The following DPYD variants were observed in gnomAD, a reference collection of about 807,000 sequenced individuals.
DPYD encodes dihydropyrimidine dehydrogenase [NADP(+)].
A neutral mutation model predicts 116.2 loss-of-function variants in DPYD; 109 were observed. The observed-to-expected ratio is 0.94, with a 90% CI of 0.80 to 1.10. The LOEUF (loss-of-function observed/expected upper bound fraction) is 1.10. DPYD is among the 50% of genes least tolerant of loss of function. DPYD has a pLI of 0.00. For synonymous variants in DPYD, 440 were observed against 432.0 expected, an observed-to-expected ratio of 1.02 and a Z score of -0.23; for missense variants, 1,302 against 1,254.5, an observed-to-expected ratio of 1.04 and a Z score of -0.57.
chr1:97,122,757 TACTC>T (rs1472971258), intron 20 of DPYD, among the ~76,000 whole-genome samples: 1 of 152,180 alleles, frequency 6.6e-6, no homozygotes, highest in Admixed American at 6.6e-5. Context: ...TTATATCACT[TACTC>T]TATCCCTTCA....
At chr1:97,649,915 C>T (rs1389204257) in intron 8 of DPYD, among the ~76,000 whole-genome samples, 1 of 152,102 alleles carries the variant, frequency 6.6e-6, no homozygotes, top group African/African-American at 2.4e-5. Flanking sequence ...TTCTTATTAA[C>T]AGCCCCCCTT....
At chr1:97,517,945 G>A (rs1033939358) in intron 12 of DPYD, among the ~76,000 whole-genome samples, 1 of 151,986 alleles carries the variant, frequency 6.6e-6, no homozygotes, top group Non-Finnish European at 1.5e-5. Flanking sequence ...ATTTTGGTTT[G>A]TTCATAATTG....
intron 5 of DPYD, among the ~76,000 whole-genome samples, chr1:97,717,155 GTAGCACAA>G (rs1013237824): frequency 3.9e-5 from 6 of 152,042 alleles, no homozygotes; most frequent in Admixed American, 3.9e-4. Flanking sequence ...CTACTGTTCA[GTAGCACAA>G]TAGTGTAACT....
chr1:97,765,356 G>A (rs960665049), intron 3 of DPYD, among the ~76,000 whole-genome samples: 2 of 152,134 alleles, frequency 1.3e-5, no homozygotes, highest in Non-Finnish European at 2.9e-5. Flanking sequence ...AGGCTATATA[G>A]AGAGGCTACT....
chr1:97,280,537 G>A (rs12048063), intron 18 of DPYD, among the ~76,000 whole-genome samples: 8,407 of 152,144 alleles, frequency 0.055, 275 homozygotes, highest in Admixed American at 0.093. Context: ...TGGTATGTAC[G>A]CAATGGAATA....
intron 5 of DPYD, among the ~76,000 whole-genome samples, chr1:97,706,844 G>GT (rs1441642310): frequency 6.6e-6 from 1 of 152,008 alleles, no homozygotes; most frequent in Non-Finnish European, 1.5e-5. Flanking sequence ...GCATGTTAAC[G>GT]TAAGTTTTCA....
At chr1:97,503,288 T>C (rs1256258812) in intron 13 of DPYD, among the ~76,000 whole-genome samples, 2 of 152,028 alleles carry the variant, frequency 1.3e-5, no homozygotes, top group African/African-American at 2.4e-5. Context: ...AAAAGCCATA[T>C]ACTAAGTGGC....
At chr1:97,626,751 G>A (rs952365824) in intron 8 of DPYD, among the ~76,000 whole-genome samples, 1 of 152,052 alleles carries the variant, frequency 6.6e-6, no homozygotes, top group African/African-American at 2.4e-5. Flanking sequence ...AAAGAGAATG[G>A]AGGGGAACTT....
At chr1:97,881,735 C>T (rs1431078219) in intron 2 of DPYD, among the ~76,000 whole-genome samples, 1 of 151,796 alleles carries the variant, frequency 6.6e-6, no homozygotes, top group Non-Finnish European at 1.5e-5. Context: ...AAATGCGAGA[C>T]ATTAGGGAAG....
intron 19 of DPYD, among the ~76,000 whole-genome samples, chr1:97,224,882 C>A (rs1029389633): frequency 5.3e-5 from 8 of 152,066 alleles, no homozygotes; most frequent in Admixed American, 2.0e-4. Context: ...CGTATATATG[C>A]TGCAATTTCT....
chr1:97,314,825 C>A (rs1667720697), intron 16 of DPYD, among the ~76,000 whole-genome samples: 1 of 151,938 alleles, frequency 6.6e-6, no homozygotes, highest in African/African-American at 2.4e-5. Context: ...TTGAGAGGTA[C>A]CTGCCCAAAT....
rs1347089452 is a variant in DPYD, at chr1:97,158,926, T to A, written c.2622+34143A>T. Among the ~76,000 whole-genome samples, 4 of 152,096 alleles carry A rather than the reference T, an allele frequency of 2.6e-5. No individual in the cohort carries two copies. The East Asian group carries it at 5.8e-4, about 22-fold the overall frequency. On this transcript the variant is annotated intron_variant, in intron 20 of 22. Transcript: ENST00000370192. ...AAGGGGCAGAGTTTTGGGGTTTGCA[T>A]TAAGATAAGTTAATTGTCTGCTAAA...
At chr1:97,752,607 T>C (rs182355787) in intron 3 of DPYD, among the ~76,000 whole-genome samples, 128 of 152,302 alleles carry the variant, frequency 8.4e-4, no homozygotes, top group Non-Finnish European at 1.4e-3. Context: ...ACTCTGCTCA[T>C]AGTTCCATGT....
Position 97,657,769 on chromosome 1 carries a change from G to T in DPYD, c.850+21326C>A, listed in dbSNP as rs557683935. 2.6e-5 allele frequency among the ~76,000 whole-genome samples: 4 copies of T among 152,160 alleles called. No individual in the cohort carries two copies. The South Asian group carries it at 8.3e-4, about 32-fold the overall frequency. On this transcript the variant is annotated intron_variant, in intron 8 of 22. Coordinates refer to ENST00000370192, the MANE Select transcript of DPYD (RefSeq NM_000110.4). ...AAACTGATAATTCAACATCAATAACGTGTTCCAATTAGAAATATATTTATT... is the reference window on the plus strand; with the variant it reads ...AAACTGATAATTCAACATCAATAACTTGTTCCAATTAGAAATATATTTATT...
chr1:97,883,216 T>C (rs762869939), intron 2 of DPYD, 48 bp downstream of exon 2: 1 of 1,265,028 alleles, frequency 7.9e-7, no homozygotes, highest in Non-Finnish European at 1.2e-6. Flanking sequence ...TTACAATGTG[T>C]GGAGTGAGGT....
At chr1:97,754,608 T>C (rs906084182) in intron 3 of DPYD, among the ~76,000 whole-genome samples, 9 of 152,220 alleles carry the variant, frequency 5.9e-5, no homozygotes, top group African/African-American at 2.2e-4. Context: ...GTTTTCTTCT[T>C]TCCTTCAATC....
At chr1:97,753,004 C>A (rs141691259) in intron 3 of DPYD, among the ~76,000 whole-genome samples, 50 of 152,186 alleles carry the variant, frequency 3.3e-4, no homozygotes, top group African/African-American at 1.0e-3. Context: ...AAATGTTCTT[C>A]AAATTTATGT....
At chr1:97,800,483 C>A (rs1213622634) in intron 3 of DPYD, among the ~76,000 whole-genome samples, 1 of 151,860 alleles carries the variant, frequency 6.6e-6, no homozygotes, top group Non-Finnish European at 1.5e-5. Flanking sequence ...CAACACTGCA[C>A]AGCAATGGAA....
At position 97,773,540 on chromosome 1, in the gene DPYD, C is replaced by A. The variant is rs370618778; in HGVS notation, c.234-33061G>T. Among the ~76,000 whole-genome samples the A allele has an allele frequency of 5.3e-5, 8 of 152,244 alleles. No individual in the cohort carries two copies. In the East Asian group the frequency reaches 7.8e-4, roughly 15 times the overall value. On this transcript the variant is annotated intron_variant, in intron 3 of 22. Coordinates refer to ENST00000370192, the MANE Select transcript of DPYD (RefSeq NM_000110.4). ...ACCACTCTGACCCACCATGCTCCCC[C>A]CATCCTGTGCCTATAAAAACCCCGA... is the stretch of plus-strand genomic sequence containing the variant.
Sources: allele counts gnomAD v4.1 joint callset (sites outside exome capture counted in the v4.1 genomes callset), GRCh38; gene constraint gnomAD v4.1.1; transcripts MANE v1.5; gene names NCBI Gene and HGNC (gene_info 2026-07-23, HGNC 2026-07-21).